ADCY6: variants seen among roughly 807,000 people sequenced by gnomAD.
The protein encoded by ADCY6 is adenylate cyclase 6.
Under a neutral mutation model 111.6 loss-of-function variants are expected in ADCY6, and 59 were observed. The ratio of observed to expected loss-of-function variants is 0.53; its 90% CI spans 0.43 to 0.66. The LOEUF (loss-of-function observed/expected upper bound fraction) is 0.66. Ranked by LOEUF, ADCY6 falls within the 30% of genes least tolerant of loss-of-function variation. ADCY6 has a pLI of 0.00. For synonymous variants in ADCY6, 576 were observed against 642.9 expected, an observed-to-expected ratio of 0.90 and a Z score of 1.57; for missense variants, 1,242 against 1,595.6, an observed-to-expected ratio of 0.78 and a Z score of 3.78.
chr12:48,777,827 G>T lies in ADCY6; in HGVS notation c.1015-91C>A. ...TCTCCACATCGCCAGAGCCCTCCTA[G>T]ACTTCTCTGAAGACCTGACCTTCCC... is the stretch of plus-strand genomic sequence containing the variant. On this transcript the variant is annotated intron_variant, in intron 3 of 21. Coordinates refer to ENST00000357869, the MANE Select transcript of ADCY6 (RefSeq NM_015270.5). The surrounding 1 kb of genome is among the most constrained non-coding windows in gnomAD (Gnocchi z 4.9). The T allele has an allele frequency of 6.4e-7, 1 of 1,552,124 alleles. No homozygotes were observed. The highest frequency in any genetic ancestry group is 8.7e-7 in the Non-Finnish European group (1 of 1,149,308).
intron 9 of ADCY6, 50 bp downstream of exon 9, chr12:48,775,913 G>T (rs765564032): frequency 6.4e-7 from 1 of 1,565,528 alleles, no homozygotes; most frequent in Non-Finnish European, 8.7e-7. Flanking sequence ...ACAGGGTATT[G>T]AGGGAGCTAA....
chr12:48,786,043 C>G (rs1941973424), intron 1 of ADCY6, among the ~76,000 whole-genome samples: 1 of 152,102 alleles, frequency 6.6e-6, no homozygotes, highest in Non-Finnish European at 1.5e-5. Context: ...TGCCTGTGTC[C>G]CCACCAGGGC....
In ADCY6 at chr12:48,774,390, C is replaced by T. The variant is rs1409288449; in HGVS notation, c.2283+12G>A. 1 of 1,605,174 alleles carries T rather than the reference C, an allele frequency of 6.2e-7. No homozygotes were observed. Among genetic ancestry groups the T allele is most frequent in the East Asian group, 2.2e-5 (1 of 44,820 alleles). ...CAGAGCAGAGGTGGGAGAATTCCCACTGGACCCTTACCATGTTGGCAATGG... is the reference window on the plus strand; with the variant it reads ...CAGAGCAGAGGTGGGAGAATTCCCATTGGACCCTTACCATGTTGGCAATGG... On this transcript the variant is annotated intron_variant, in intron 14 of 21. Transcript: ENST00000357869.
intron 1 of ADCY6, among the ~76,000 whole-genome samples, chr12:48,788,271 C>T (rs1942017834): frequency 2.0e-5 from 3 of 152,186 alleles, no homozygotes; most frequent in African/African-American, 7.2e-5. Context: ...CAACCCCCAC[C>T]AGGTCCCTCC....
rs1237867424 is a variant in ADCY6 at position 48,788,954 on chromosome 12, C to G, written c.-53G>C. Reference sequence around the variant, plus strand: ...CCCTGGGCCCCCGCCCCGCCGCCCCCGCGGGCTCCGGCCGGCCGGCCGGCC... The same window carrying G: ...CCCTGGGCCCCCGCCCCGCCGCCCCGGCGGGCTCCGGCCGGCCGGCCGGCC... On this transcript the variant is annotated 5_prime_UTR_variant, in exon 1 of 22. Transcript: ENST00000357869. 2.1e-5 allele frequency: 3 copies of G among 144,670 alleles called. No homozygotes were observed. The highest frequency in any genetic ancestry group is 2.1e-4 in the East Asian group (1 of 4,838). The allele number at this position is 144,670 out of a possible 1,614,324, so 9.0% of individuals were successfully genotyped here. A position where few individuals can be genotyped will look rare whatever the true frequency, so the allele number is the denominator to read the frequency against.
intron 14 of ADCY6, 95 bp downstream of exon 14, chr12:48,774,307 G>A (rs1007753259): frequency 7.6e-7 from 1 of 1,310,642 alleles, no homozygotes; most frequent in African/African-American, 1.5e-5. Context: ...GCTCCCTGAG[G>A]GCAGAAAATA....
rs140450702 is a variant in ADCY6 at position 48,775,269 on chromosome 12, C to T, written c.1980+34G>A. 1,749 of 1,612,890 alleles carry T rather than the reference C, an allele frequency of 1.1e-3. 5 individuals carry two copies. The highest frequency in any genetic ancestry group is 1.3e-3 in the South Asian group (118 of 90,992). ...TCCCTGCTGCGACCTGCCCCTCCCCCAGCCCTTGTCCTTCTGCCCTGTATC... is the reference window on the plus strand; with the variant it reads ...TCCCTGCTGCGACCTGCCCCTCCCCTAGCCCTTGTCCTTCTGCCCTGTATC... On this transcript the variant is annotated intron_variant, in intron 11 of 21. Coordinates refer to ENST00000357869, the MANE Select transcript of ADCY6 (RefSeq NM_015270.5).
Position 48,773,908 on chromosome 12 carries a change from G to GC in ADCY6, c.2442+31dup, listed in dbSNP as rs761346887. On this transcript the variant is annotated intron_variant, in intron 15 of 21. Coordinates refer to ENST00000357869, the MANE Select transcript of ADCY6 (RefSeq NM_015270.5). Reference sequence around the variant, plus strand: ...AAGGGCCAATGTCTGTGCCAGGACAGCCCCCCCACCGCCTGAGCACTGCTC... The same window carrying GC: ...AAGGGCCAATGTCTGTGCCAGGACAGCCCCCCCCACCGCCTGAGCACTGCTC... The GC allele has an allele frequency of 2.4e-5, 38 of 1,608,576 alleles. No homozygotes were observed. The East Asian group carries it at 2.7e-4, about 11-fold the overall frequency.
Position 48,782,587 on chromosome 12 carries a change from G to GCAT in ADCY6, c.845_847dup (p.Asp282dup), listed in dbSNP as rs1271955797. 6.2e-7 allele frequency: 1 copy of GCAT among 1,611,154 alleles called. No homozygotes were observed. Among genetic ancestry groups the GCAT allele is most frequent in the Admixed American group, 1.7e-5 (1 of 59,722 alleles). ...GCCACCTACCTGCTTCCAGAGGAAG[G>GCAT]CATCACCACGGTTAAGTTGCCAGGC... On this transcript the variant is annotated inframe_insertion, in exon 2 of 22. Transcript: ENST00000357869. The surrounding 1 kb of genome is among the most constrained non-coding windows in gnomAD (Gnocchi z 4.3).
intron 1 of ADCY6, among the ~76,000 whole-genome samples, chr12:48,788,376 G>A (rs1198876350): frequency 6.6e-6 from 1 of 152,178 alleles, no homozygotes; most frequent in Non-Finnish European, 1.5e-5. Context: ...CCCAGAGTCT[G>A]CTTTGAATAA....
At position 48,778,194 on chromosome 12, in the gene ADCY6, C is replaced by A. The variant is rs1941756326; in HGVS notation, c.928G>T (p.Ala310Ser). The A allele has an allele frequency of 6.2e-7, 1 of 1,614,158 alleles. No homozygotes were observed. The highest frequency in any genetic ancestry group is 2.2e-5 in the East Asian group (1 of 44,866). Residue 310 changes from alanine (A) to serine (S), a missense_variant, in exon 3 of 22, where the codon GCA becomes TCA. Transcript: ENST00000357869. ...NVIGICTHYP[A>S]EVSQRQAFQE... ...AAGGCCTGGCGCTGAGACACCTCTG[C>A]TGGATAGTGTGTGCAGATGCCAATG... is the stretch of plus-strand genomic sequence containing the variant.
rs1363940907 is a variant in ADCY6, at chr12:48,766,705, G to C, written c.*1886C>G. ...GAAACCAGGCCTCCACAGGGAGCTG[G>C]TGTCAGAAGGGGCATGAGGAGGGGC... On this transcript the variant is annotated 3_prime_UTR_variant, in exon 22 of 22. Coordinates refer to ENST00000357869, the MANE Select transcript of ADCY6 (RefSeq NM_015270.5). The C allele has an allele frequency of 1.3e-5, 2 of 152,636 alleles. No individual in the cohort carries two copies. Among genetic ancestry groups the C allele is most frequent in the African/African-American group, 4.8e-5 (2 of 41,428 alleles). 9.5% of individuals were successfully genotyped at this position (152,636 alleles called of 1,614,324 possible).
At chr12:48,788,064 C>A (rs1444767882) in intron 1 of ADCY6, among the ~76,000 whole-genome samples, 1 of 152,154 alleles carries the variant, frequency 6.6e-6, no homozygotes, top group South Asian at 2.1e-4. Flanking sequence ...ACTGCCCAGG[C>A]GGGGCCCAGC....
chr12:48,776,317 G>A lies in ADCY6; in HGVS notation c.1569C>T (p.Tyr523=). 1.2e-6 allele frequency: 2 copies of A among 1,614,224 alleles called. No homozygotes were observed. Among genetic ancestry groups the A allele is most frequent in the Non-Finnish European group, 8.5e-7 (1 of 1,180,042 alleles). Residue 523 remains tyrosine, a synonymous_variant, in exon 8 of 22, where the codon TAC becomes TAT. Coordinates refer to ENST00000357869, the MANE Select transcript of ADCY6 (RefSeq NM_015270.5). This position sits in a 1 kb window ranked among gnomAD's most constrained non-coding sequence, Gnocchi z 6.1. The part of the protein sequence containing the change: ...RIHITRATLQ[Y]LNGDYEVEPG... ...GCTCCACCTCGTAGTCCCCGTTCAG[G>A]TACTGCAGTGTTGCCCGAGTGATGT...
chr12:48,774,168 T>C (rs1592157629), intron 14 of ADCY6, 70 bp from the exon 15 acceptor site: 2 of 1,437,082 alleles, frequency 1.4e-6, no homozygotes, highest in East Asian at 2.4e-5. Context: ...GGTGAAGCCA[T>C]GTACCCTAAC....
At chr12:48,784,820 T>C (rs1343782580) in intron 1 of ADCY6, among the ~76,000 whole-genome samples, 2 of 152,002 alleles carry the variant, frequency 1.3e-5, no homozygotes, top group African/African-American at 2.4e-5. Context: ...CCTGCCACCA[T>C]GCCCAGGGAA....
chr12:48,770,795 T>A lies in ADCY6; in HGVS notation c.3227A>T (p.His1076Leu), dbSNP rs1384711561. ...CTTCATCTGGAAATTGTTGAAGGAGTGCTCATTGATGTGCTTCATCTGCTC... is the reference window on the plus strand; with the variant it reads ...CTTCATCTGGAAATTGTTGAAGGAGAGCTCATTGATGTGCTTCATCTGCTC... ...LMEQMKHINEHSFNNFQMKIG... is the reference protein window; with the variant it reads ...LMEQMKHINELSFNNFQMKIG... Residue 1076 changes from histidine to leucine, a missense_variant, in exon 20 of 22, where the codon CAC becomes CTC. By Grantham distance (99) the His-to-Leu change is moderately conservative. Transcript: ENST00000357869. The A allele has an allele frequency of 6.2e-7, 1 of 1,613,988 alleles. No homozygotes were observed. The highest frequency in any genetic ancestry group is 1.3e-5 in the African/African-American group (1 of 74,894).
rs1039152154 is a variant in ADCY6 at position 48,774,993 on chromosome 12, C to T, written c.2042G>A (p.Cys681Tyr). 6.4e-7 allele frequency: 1 copy of T among 1,558,226 alleles called. No individual in the cohort carries two copies. The highest frequency in any genetic ancestry group is 8.7e-7 in the Non-Finnish European group (1 of 1,150,682). Residue 681 changes from cysteine to tyrosine, a missense_variant, in exon 12 of 22, where the codon TGC (cysteine) becomes TAC (tyrosine). Cys to Tyr is a radical substitution (Grantham distance 194). Coordinates refer to ENST00000357869, the MANE Select transcript of ADCY6 (RefSeq NM_015270.5). ...GAGAAGCTGGATGAAGCAGATGAAG[C>T]AGAAGACCAACAGGGCACAGGCAAC... ...AYVACALLVFCFICFIQLLIF... is the reference protein window; with the variant it reads ...AYVACALLVFYFICFIQLLIF...
chr12:48,778,947 C>A (rs1297791526), intron 2 of ADCY6, among the ~76,000 whole-genome samples: 2 of 124,130 alleles, frequency 1.6e-5, no homozygotes, highest in Admixed American at 2.3e-4. Context: ...GGCCTGATCT[C>A]GGCTCACTGC....
Sources: gnomAD v4.1 joint callset for allele counts (sites outside exome capture counted in the v4.1 genomes callset) on GRCh38, gnomAD v4.1.1 for gene constraint, Gnocchi (gnomAD v3.1) non-coding constraint, MANE v1.5 for transcripts, NCBI Gene and HGNC (gene_info 2026-07-23, HGNC 2026-07-21) for gene names.